USP26: variants seen among roughly 807,000 people sequenced by gnomAD.
USP26 encodes ubiquitin carboxyl-terminal hydrolase 26.
For missense variants in USP26, 649 were observed against 642.3 expected (o/e 1.01, Z -0.11); for synonymous variants, 236 against 240.6 (o/e 0.98, Z 0.18).
chrX:133,041,879 G>A (rs963016235), intron 5 of USP26, among the ~76,000 whole-genome samples: 4 of 112,368 alleles, frequency 3.6e-5, no homozygotes, highest in African/African-American at 1.3e-4. Flanking sequence ...TCCGACTGGG[G>A]CTGCTTCCTT....
chrX:133,094,351 A>AT (rs2067620028), intron 1 of USP26, among the ~76,000 whole-genome samples: 1 of 110,066 alleles, frequency 9.1e-6, no homozygotes, highest in Non-Finnish European at 1.9e-5. Flanking sequence ...ATCTACTTCC[A>AT]TTTTCTCTCC....
chrX:133,044,108 A>G (rs2067429115), intron 5 of USP26, among the ~76,000 whole-genome samples: 2 of 112,913 alleles, frequency 1.8e-5, no homozygotes, highest in South Asian at 3.7e-4. Flanking sequence ...CCACCCATCT[A>G]CTACTCTCTT....
At chrX:133,096,373 C>A (rs758144560) in intron 1 of USP26, among the ~76,000 whole-genome samples, 2 of 110,887 alleles carry the variant, frequency 1.8e-5, no homozygotes, top group African/African-American at 6.5e-5. Context: ...TGTCAATGAA[C>A]AATTCCTGCA....
chrX:133,027,935 T>A lies in USP26; in HGVS notation c.286A>T (p.Ile96Leu). Residue 96 changes from isoleucine (I) to leucine (L), a missense_variant, in exon 6 of 6, where the codon ATA becomes TTA. Coordinates refer to ENST00000511190, the MANE Select transcript of USP26 (RefSeq NM_031907.3). ...TTTTGATGAACTCTGTCCAAGAATA[T>A]CTTCAATTGTTCAGCATCTGTGGAG... ...LSSTDAEQLK[I>L]FLDRVHQNEV... 8.3e-7 allele frequency: 1 copy of A among 1,211,374 alleles called. No homozygotes were observed. Among genetic ancestry groups the A allele is most frequent in the Non-Finnish European group, 1.1e-6 (1 of 895,173 alleles).
intron 5 of USP26, among the ~76,000 whole-genome samples, chrX:133,052,181 ATG>A (rs2067461384): frequency 8.9e-6 from 1 of 112,314 alleles, no homozygotes; most frequent in Non-Finnish European, 1.9e-5. Context: ...AGTCACGAGA[ATG>A]TGGAATTTAC....
intron 5 of USP26, among the ~76,000 whole-genome samples, chrX:133,041,872 G>A (rs763047692): frequency 9.8e-5 from 11 of 112,281 alleles, no homozygotes; most frequent in South Asian, 7.4e-4. Context: ...ATAAGCCTCC[G>A]ACTGGGGCTG....
chrX:133,062,425 C>T (rs1303883167), intron 5 of USP26, among the ~76,000 whole-genome samples: 1 of 112,251 alleles, frequency 8.9e-6, no homozygotes, highest in Admixed American at 9.4e-5. Context: ...AACAGACTGT[C>T]TCCTCAAGTA....
At chrX:133,060,912 T>A (rs1228287922) in intron 5 of USP26, among the ~76,000 whole-genome samples, 8 of 111,785 alleles carry the variant, frequency 7.2e-5, no homozygotes, top group African/African-American at 2.6e-4. Flanking sequence ...CAGGAATGAA[T>A]TGATATGTAG....
At chrX:133,087,709 T>G (rs1348180616) in intron 4 of USP26, among the ~76,000 whole-genome samples, 1 of 112,406 alleles carries the variant, frequency 8.9e-6, no homozygotes, top group East Asian at 2.8e-4. Context: ...TAGCACGTTT[T>G]CATGAAGTAT....
Position 133,025,762 on chromosome X carries a change from C to T in USP26, c.2459G>A (p.Gly820Glu). Reference sequence around the variant, plus strand: ...ACTAATGAGCCGGTAGGTATGATCTCCCTTATCATCATTTCTTTTTGTTTC... The same window carrying T: ...ACTAATGAGCCGGTAGGTATGATCTTCCTTATCATCATTTCTTTTTGTTTC... ...AKETKRNDDK[G>E]DHTYRLISVV... Residue 820 changes from glycine (G) to glutamate (E), a missense_variant, in exon 6 of 6, where the codon GGA becomes GAA. Gly to Glu is a moderately conservative substitution (Grantham distance 98). Coordinates refer to ENST00000511190, the MANE Select transcript of USP26 (RefSeq NM_031907.3). 1 of 1,209,306 alleles carries T rather than the reference C, an allele frequency of 8.3e-7. No homozygotes were observed. The highest frequency in any genetic ancestry group is 1.7e-5 in the African/African-American group (1 of 57,642).
At chrX:133,028,350 C>A in intron 5 of USP26, 54 bp from the exon 6 acceptor site, 1 of 796,554 alleles carries the variant, frequency 1.3e-6, no homozygotes, top group East Asian at 3.4e-5. Flanking sequence ...CAGAATGATC[C>A]TATTTCTAGT....
In USP26 at chrX:133,028,287, G is replaced by A; in HGVS notation, c.-67C>T. On this transcript the variant is annotated 5_prime_UTR_variant, in exon 6 of 6. Coordinates refer to ENST00000511190, the MANE Select transcript of USP26 (RefSeq NM_031907.3). ...TAATCTTGAAGTTCCAATCTGTTTT[G>A]CAAGTTCAGCTGTGAAGACAACACC... 8.8e-7 allele frequency: 1 copy of A among 1,136,409 alleles called. No homozygotes were observed. Among genetic ancestry groups the A allele is most frequent in the Non-Finnish European group, 1.2e-6 (1 of 830,385 alleles). 93.7% of individuals were successfully genotyped at this position (1,136,409 alleles called of 1,213,427 possible). A position where few individuals can be genotyped will look rare whatever the true frequency, so the allele number is the denominator to read the frequency against.
intron 5 of USP26, among the ~76,000 whole-genome samples, chrX:133,063,442 T>C (rs1162784630): frequency 1.4e-4 from 15 of 110,359 alleles, no homozygotes; most frequent in African/African-American, 5.0e-4. Flanking sequence ...TTCTCCAAGG[T>C]TGAAATGAAG....
At chrX:133,076,583 G>T (rs1055589982) in intron 5 of USP26, among the ~76,000 whole-genome samples, 3 of 112,008 alleles carry the variant, frequency 2.7e-5, no homozygotes, top group African/African-American at 9.7e-5. Context: ...ACAGGATGTT[G>T]CTTCCAAGAT....
chrX:133,096,795 T>G (rs192538135), intron 1 of USP26, among the ~76,000 whole-genome samples: 4 of 111,323 alleles, frequency 3.6e-5, no homozygotes, highest in African/African-American at 1.3e-4. Flanking sequence ...CTCAGGAGGA[T>G]GAGGCAGGAG....
At chrX:133,045,546 C>T (rs915763146) in intron 5 of USP26, among the ~76,000 whole-genome samples, 2 of 111,949 alleles carry the variant, frequency 1.8e-5, no homozygotes, top group Non-Finnish European at 3.8e-5. Context: ...TGAGCTGTAA[C>T]ATTCATCGCA....
intron 5 of USP26, among the ~76,000 whole-genome samples, chrX:133,070,853 C>T (rs1205319453): frequency 9.0e-6 from 1 of 111,371 alleles, no homozygotes; most frequent in Non-Finnish European, 1.9e-5. Flanking sequence ...AGAAAATCTT[C>T]CAGAATTAAT....
intron 5 of USP26, among the ~76,000 whole-genome samples, chrX:133,066,154 A>G (rs2067510970): frequency 9.0e-6 from 1 of 111,531 alleles, no homozygotes; most frequent in African/African-American, 3.3e-5. Context: ...ACACCTAGGA[A>G]TACAACTTAC....
At chrX:133,070,506 CT>C (rs1428272769) in intron 5 of USP26, among the ~76,000 whole-genome samples, 1 of 111,659 alleles carries the variant, frequency 9.0e-6, no homozygotes, top group Non-Finnish European at 1.9e-5. Flanking sequence ...AGGATGTGGT[CT>C]TTGCAGCACT....
Sources: allele counts gnomAD v4.1 joint callset (sites outside exome capture counted in the v4.1 genomes callset), GRCh38; gene constraint gnomAD v4.1.1; transcripts MANE v1.5; gene names NCBI Gene and HGNC (gene_info 2026-07-23, HGNC 2026-07-21).